KCNH5: variants seen among roughly 807,000 people sequenced by gnomAD.
KCNH5 encodes potassium voltage-gated channel subfamily H member 5.
Under a neutral mutation model 96.1 loss-of-function variants are expected in KCNH5, and 46 were observed. The observed-to-expected ratio is 0.48, with a 90% CI of 0.38 to 0.61. The LOEUF (loss-of-function observed/expected upper bound fraction) is 0.61, where lower values mean the gene tolerates loss of function less well. KCNH5 is among the 20% of genes least tolerant of loss of function. KCNH5 has a pLI of 0.00. For missense variants in KCNH5, 907 were observed against 1,225.8 expected (o/e 0.74, Z 3.88); for synonymous variants, 439 against 449.8 (o/e 0.98, Z 0.30).
rs139242378 is a variant in KCNH5 at position 62,700,925 on chromosome 14, A to C, written c.*6583T>G. On this transcript the variant is annotated 3_prime_UTR_variant, in exon 11 of 11. Transcript: ENST00000322893. ...CTGACCAAAAGCTTTGGATAGAGGGAAGTGGTTACATTTTATATTATGAAA... is the reference window on the plus strand; with the variant it reads ...CTGACCAAAAGCTTTGGATAGAGGGCAGTGGTTACATTTTATATTATGAAA... 1 of 152,294 alleles carries C rather than the reference A, an allele frequency of 6.6e-6. No homozygotes were observed. The highest frequency in any genetic ancestry group is 1.9e-4 in the East Asian group (1 of 5,184). The allele number at this position is 152,294 out of a possible 1,614,324, so 9.4% of individuals were successfully genotyped here.
intron 10 of KCNH5, among the ~76,000 whole-genome samples, chr14:62,751,658 C>A (rs2139945466): frequency 6.6e-6 from 1 of 152,346 alleles, no homozygotes; most frequent in Non-Finnish European, 1.5e-5. Context: ...CTTTCAGCTT[C>A]CCTTGTTCAG....
intron 8 of KCNH5, among the ~76,000 whole-genome samples, chr14:62,816,781 G>C (rs1223461812): frequency 2.1e-4 from 32 of 151,786 alleles, no homozygotes; most frequent in Middle Eastern, 6.8e-3. Flanking sequence ...TAGCTGATAG[G>C]ATGCTGGCTA....
At chr14:62,957,582 T>C (rs552850747) in intron 6 of KCNH5, among the ~76,000 whole-genome samples, 1 of 152,358 alleles carries the variant, frequency 6.6e-6, no homozygotes, top group Admixed American at 6.5e-5. Context: ...TTCCTATCTC[T>C]TAAATCTAGA....
At chr14:62,973,248 C>T (rs2139559763) in intron 6 of KCNH5, among the ~76,000 whole-genome samples, 1 of 152,282 alleles carries the variant, frequency 6.6e-6, no homozygotes, top group African/African-American at 2.4e-5. Flanking sequence ...TTGCTTAGGA[C>T]TTAATGTTGG....
In KCNH5 at chr14:62,950,395, G is replaced by A; in HGVS notation, c.1107C>T (p.Ser369=). The change falls in exon 7 of 11, where the codon AGC becomes AGT. Residue 369 remains serine, a synonymous_variant. Transcript: ENST00000322893. ...VAHWLACIWY[S]IGDYEVIDEV... ...CATCAATGACCTCGTAGTCTCCGAT[G>A]CTATACCATATGCAGGCCAGCCAGT... 6.2e-7 allele frequency: 1 copy of A among 1,613,950 alleles called. No homozygotes were observed. The highest frequency in any genetic ancestry group is 8.5e-7 in the Non-Finnish European group (1 of 1,179,964).
chr14:62,871,310 C>A (rs1888249212), intron 7 of KCNH5, among the ~76,000 whole-genome samples: 1 of 152,158 alleles, frequency 6.6e-6, no homozygotes, highest in South Asian at 2.1e-4. Flanking sequence ...ATAAGACGAA[C>A]TCACTGGAGG....
At chr14:62,928,978 G>A (rs1889528839) in intron 7 of KCNH5, among the ~76,000 whole-genome samples, 1 of 151,898 alleles carries the variant, frequency 6.6e-6, no homozygotes, top group African/African-American at 2.4e-5. Flanking sequence ...GTCCAGCCAG[G>A]ACCTCTCCCC....
At chr14:63,031,045 CT>C (rs900765708) in intron 1 of KCNH5, among the ~76,000 whole-genome samples, 66 of 152,082 alleles carry the variant, frequency 4.3e-4, no homozygotes, top group African/African-American at 1.4e-3. Context: ...CACCCATCTT[CT>C]GCTTTTCCTT....
Position 62,997,385 on chromosome 14 carries a change from C to G in KCNH5, c.433+3946G>C, listed in dbSNP as rs958718982. Among the ~76,000 whole-genome samples, 5 of 152,296 alleles carry G rather than the reference C, an allele frequency of 3.3e-5. No homozygotes were observed. In the East Asian group the frequency reaches 9.6e-4, roughly 29 times the overall value. On this transcript the variant is annotated intron_variant, in intron 4 of 10. Coordinates refer to ENST00000322893, the MANE Select transcript of KCNH5 (RefSeq NM_139318.5). The stretch of plus-strand genomic sequence containing the variant: ...CTTATCAAACTAGAGAAGCTCCCCT[C>G]TATTCAAACTTTACTGAGAGTTTTT...
Position 62,705,082 on chromosome 14 carries a change from C to T in KCNH5, c.*2426G>A, listed in dbSNP as rs1884405032. The T allele has an allele frequency of 6.6e-6, 1 of 151,954 alleles. No homozygotes were observed. Among genetic ancestry groups the T allele is most frequent in the Admixed American group, 6.6e-5 (1 of 15,258 alleles). The allele number at this position is 151,954 out of a possible 1,614,324, so 9.4% of individuals were successfully genotyped here. ...TAAACAATTGATACTTTCCCTCCTT[C>T]CTAACAATCTGGAGTAATTCAAAAC... On this transcript the variant is annotated 3_prime_UTR_variant, in exon 11 of 11. Transcript: ENST00000322893.
chr14:62,946,292 T>C (rs971063589), intron 7 of KCNH5, among the ~76,000 whole-genome samples: 1 of 152,154 alleles, frequency 6.6e-6, no homozygotes, highest in Non-Finnish European at 1.5e-5. Flanking sequence ...CCTTTGACTC[T>C]ACATAGATTT....
At chr14:62,715,275 G>A (rs2139907166) in intron 10 of KCNH5, among the ~76,000 whole-genome samples, 1 of 152,306 alleles carries the variant, frequency 6.6e-6, no homozygotes, top group African/African-American at 2.4e-5. Flanking sequence ...GAGGAAAAGA[G>A]AGAGGTGTTT....
rs186836961 is a variant in KCNH5, at chr14:62,924,029, G to A, written c.1369+26104C>T. Among the ~76,000 whole-genome samples, 462 of 151,934 alleles carry A rather than the reference G, an allele frequency of 3.0e-3. 5 individuals carry two copies. The highest frequency in any genetic ancestry group is 0.011 in the African/African-American group (451 of 41,478). On this transcript the variant is annotated intron_variant, in intron 7 of 10. Coordinates refer to ENST00000322893, the MANE Select transcript of KCNH5 (RefSeq NM_139318.5). ...AAAGAAACAATTATCAAAATGAAAA[G>A]GCGACCTACAGAATGGGAGGAAATA...
intron 9 of KCNH5, among the ~76,000 whole-genome samples, chr14:62,798,832 C>T (rs1345469669): frequency 6.6e-6 from 1 of 152,096 alleles, no homozygotes; most frequent in Non-Finnish European, 1.5e-5. Context: ...TGGCAAGAAT[C>T]CAAAAACATG....
At chr14:62,830,924 C>T (rs1887333807) in intron 8 of KCNH5, among the ~76,000 whole-genome samples, 1 of 152,086 alleles carries the variant, frequency 6.6e-6, no homozygotes, top group Non-Finnish European at 1.5e-5. Flanking sequence ...CATTTCCTTA[C>T]TTCCTTCCCT....
At position 63,045,291 on chromosome 14, in the gene KCNH5, G is replaced by C. The variant is rs907495439; in HGVS notation, c.-105C>G. The C allele has an allele frequency of 1.1e-6, 1 of 923,268 alleles. No individual in the cohort carries two copies. The highest frequency in any genetic ancestry group is 1.7e-6 in the Non-Finnish European group (1 of 582,200). 57.2% of individuals were successfully genotyped at this position (923,268 alleles called of 1,614,324 possible). On this transcript the variant is annotated 5_prime_UTR_variant, in exon 1 of 11. Coordinates refer to ENST00000322893, the MANE Select transcript of KCNH5 (RefSeq NM_139318.5). ...AAAAGGTGGAAGAGAAGATTGAGCCGAAAGAAGAGGGGGCGCGGCGGCGGC... is the reference window on the plus strand; with the variant it reads ...AAAAGGTGGAAGAGAAGATTGAGCCCAAAGAAGAGGGGGCGCGGCGGCGGC...
intron 7 of KCNH5, among the ~76,000 whole-genome samples, chr14:62,853,460 TATATATATATATATATATATC>T (rs1372419528): frequency 5.2e-4 from 47 of 89,576 alleles, no homozygotes; most frequent in Non-Finnish European, 8.9e-4. Context: ...AATAATCATA[TATATATATATATATATATATC>T]ATATATATAT....
At chr14:62,752,834 G>C (rs1885532182) in intron 10 of KCNH5, among the ~76,000 whole-genome samples, 1 of 152,170 alleles carries the variant, frequency 6.6e-6, no homozygotes, top group African/African-American at 2.4e-5. Context: ...GAAGGTGCTT[G>C]TTTTCCCTTT....
chr14:62,859,235 G>A (rs1226072251), intron 7 of KCNH5, among the ~76,000 whole-genome samples: 3 of 152,066 alleles, frequency 2.0e-5, no homozygotes, highest in East Asian at 1.9e-4. Context: ...GTGCCATATC[G>A]AGGGCTCGGT....
Sources: allele counts gnomAD v4.1 joint callset (sites outside exome capture counted in the v4.1 genomes callset), GRCh38; gene constraint gnomAD v4.1.1; transcripts MANE v1.5; gene names NCBI Gene and HGNC (gene_info 2026-07-23, HGNC 2026-07-21).